Variants in RUFY1 observed in about 807,000 individuals in gnomAD.
The protein encoded by RUFY1 is RUN and FYVE domain-containing protein 1.
Under a neutral mutation model 94.6 loss-of-function variants are expected in RUFY1, and 54 were observed. That is an observed-to-expected ratio of 0.57 (90% CI 0.46 to 0.72). RUFY1 has a LOEUF of 0.72. RUFY1 is among the 30% of genes least tolerant of loss of function. The pLI, the probability that RUFY1 is intolerant of heterozygous loss-of-function variation, is 0.00. For missense variants in RUFY1, 883 were observed against 883.9 expected, an observed-to-expected ratio of 1.00 and a Z score of 0.01; for synonymous variants, 396 against 347.3, an observed-to-expected ratio of 1.14 and a Z score of -1.56.
At chr5:179,599,496 G>A (rs1054213750) in intron 14 of RUFY1, 2 of 152,458 alleles carry the variant, frequency 1.3e-5, no homozygotes, top group African/African-American at 2.4e-5. Context: ...TCAGTTCCAT[G>A]GAGGACCCTC....
chr5:179,591,570 AT>A, intron 9 of RUFY1, 54 bp from the exon 10 acceptor site: 1 of 1,056,750 alleles, frequency 9.5e-7, no homozygotes, highest in Non-Finnish European at 1.4e-6. Flanking sequence ...ATACTTCATA[AT>A]TAGCTTGCTT....
chr5:179,586,616 C>A (rs1764623571), intron 8 of RUFY1: 2 of 344,966 alleles, frequency 5.8e-6, no homozygotes, highest in South Asian at 2.1e-5. Flanking sequence ...AATGAGGGAC[C>A]CCGTGTAAGC....
intron 1 of RUFY1, among the ~76,000 whole-genome samples, chr5:179,552,224 T>C (rs1327048799): frequency 2.0e-5 from 3 of 146,608 alleles, no homozygotes; most frequent in Non-Finnish European, 4.5e-5. Context: ...TTTTAAATGC[T>C]CAGTAGCCTG....
At chr5:179,569,048 G>T (rs1157445466) in intron 4 of RUFY1, 1 of 985,182 alleles carries the variant, frequency 1.0e-6, no homozygotes, top group Non-Finnish European at 1.2e-6. Flanking sequence ...GGAGAACTGG[G>T]GTCCAGGGTC....
intron 2 of RUFY1, 94 bp downstream of exon 2, chr5:179,560,292 A>C: frequency 6.9e-7 from 1 of 1,450,644 alleles, no homozygotes. Flanking sequence ...CTAGATGCTG[A>C]AATGCCAGCA....
At chr5:179,604,994 A>C (rs1292364734) in intron 15 of RUFY1, among the ~76,000 whole-genome samples, 1 of 150,078 alleles carries the variant, frequency 6.7e-6, no homozygotes, top group African/African-American at 2.5e-5. Context: ...AAAAAAAAAA[A>C]AGAAAAAAAG....
At position 179,580,709 on chromosome 5, in the gene RUFY1, A is replaced by C. The variant is rs537995290; in HGVS notation, c.891-238A>C. 3.3e-3 allele frequency among the ~76,000 whole-genome samples: 503 copies of C among 151,858 alleles called. 6 individuals are homozygous for C. Among genetic ancestry groups the C allele is most frequent in the African/African-American group, 0.012 (477 of 41,412 alleles). ...TTTCACCTTGCTTGCTCATCCTGAA[A>C]CCTTGGTCTGCAGGGAGCCCACTCT... On this transcript the variant is annotated intron_variant, in intron 6 of 17. Coordinates refer to ENST00000319449, the MANE Select transcript of RUFY1 (RefSeq NM_025158.5).
intron 16 of RUFY1, chr5:179,606,262 G>A: frequency 3.0e-6 from 1 of 330,082 alleles, no homozygotes; most frequent in Non-Finnish European, 5.6e-6. Flanking sequence ...AGGCCCTTCT[G>A]TTGAAGTGAG....
At chr5:179,580,390 C>T (rs1281129679) in intron 6 of RUFY1, among the ~76,000 whole-genome samples, 5 of 151,538 alleles carry the variant, frequency 3.3e-5, no homozygotes, top group Non-Finnish European at 7.4e-5. Context: ...CTACAGGCGC[C>T]CGCCACCACG....
chr5:179,609,906 A>G lies in RUFY1; in HGVS notation c.*387A>G, dbSNP rs766277439. 10 of 167,550 alleles carry G rather than the reference A, an allele frequency of 6.0e-5. No individual in the cohort carries two copies. The highest frequency in any genetic ancestry group is 1.3e-4 in the Admixed American group (2 of 15,774). The allele number at this position is 167,550 out of a possible 1,614,324, so 10.4% of individuals were successfully genotyped here. On this transcript the variant is annotated 3_prime_UTR_variant, in exon 18 of 18. Transcript: ENST00000319449. Reference sequence around the variant, plus strand: ...CTGATTCATGCACAGCGTTTGACACACATGGAGTCTGCCAGTGTGCCTTCT... The same window carrying G: ...CTGATTCATGCACAGCGTTTGACACGCATGGAGTCTGCCAGTGTGCCTTCT...
At chr5:179,588,398 T>C (rs1562050177) in intron 8 of RUFY1, among the ~76,000 whole-genome samples, 1 of 152,158 alleles carries the variant, frequency 6.6e-6, no homozygotes, top group Non-Finnish European at 1.5e-5. Flanking sequence ...TGAGGAGGGA[T>C]GGGTTGGTGT....
In RUFY1 at chr5:179,602,347, G is replaced by A. The variant is rs567119474; in HGVS notation, c.1856+361G>A. On this transcript the variant is annotated intron_variant, in intron 15 of 17. Coordinates refer to ENST00000319449, the MANE Select transcript of RUFY1 (RefSeq NM_025158.5). ...GAGGGAGCAGGGCTGGTTTGGGAAC[G>A]GAAGCCTGGCACAGTAGAGGTGCAC... The A allele has an allele frequency of 1.3e-4, 28 of 216,674 alleles. No individual in the cohort carries two copies. In the South Asian group the frequency reaches 2.4e-3, roughly 19 times the overall value. 13.4% of individuals were successfully genotyped at this position (216,674 alleles called of 1,614,324 possible).
At chr5:179,561,777 G>C (rs1762480226) in intron 2 of RUFY1, among the ~76,000 whole-genome samples, 1 of 135,484 alleles carries the variant, frequency 7.4e-6, no homozygotes, top group Non-Finnish European at 1.5e-5. Context: ...CCTCCTCCCA[G>C]GTTCACGCCA....
At chr5:179,591,359 T>C (rs1230625892) in intron 9 of RUFY1, among the ~76,000 whole-genome samples, 1 of 151,692 alleles carries the variant, frequency 6.6e-6, no homozygotes, top group Admixed American at 6.6e-5. Flanking sequence ...TAATTGTTTG[T>C]GTTTTTAGTA....
chr5:179,564,818 C>T (rs1458866912), intron 3 of RUFY1, among the ~76,000 whole-genome samples: 1 of 151,990 alleles, frequency 6.6e-6, no homozygotes, highest in Non-Finnish European at 1.5e-5. Context: ...AGATTAGAAC[C>T]ACCCTAGTTT....
Position 179,586,910 on chromosome 5 carries a change from G to T in RUFY1, c.1026+1045G>T, listed in dbSNP as rs73809480. Among the ~76,000 whole-genome samples the T allele has an allele frequency of 9.1e-3, 1,389 of 152,304 alleles. 24 individuals carry two copies. The highest frequency in any genetic ancestry group is 0.03 in the African/African-American group (1,239 of 41,554). Reference sequence around the variant, plus strand: ...GTTGCAAAGATTAAGACGAATATCTGGTAAATGTGCTCAGGACAACACTTG... The same window carrying T: ...GTTGCAAAGATTAAGACGAATATCTTGTAAATGTGCTCAGGACAACACTTG... On this transcript the variant is annotated intron_variant, in intron 8 of 17. Transcript: ENST00000319449.
chr5:179,594,760 CAAAAAAAAAAAAA>C lies in RUFY1; in HGVS notation c.1414-95_1414-83del, dbSNP rs57540208. 1.9e-4 allele frequency: 62 copies of C among 333,824 alleles called. 2 individuals are homozygous for C. Among genetic ancestry groups the C allele is most frequent in the South Asian group, 1.4e-3 (57 of 39,626 alleles). 20.7% of individuals were successfully genotyped at this position (333,824 alleles called of 1,614,324 possible). A position where few individuals can be genotyped will look rare whatever the true frequency, so the allele number is the denominator to read the frequency against. On this transcript the variant is annotated intron_variant, in intron 11 of 17. Coordinates refer to ENST00000319449, the MANE Select transcript of RUFY1 (RefSeq NM_025158.5). ...TGGGTGACAGAGCAAGACTCTGTCT[CAAAAAAAAAAAAA>C]AAAAAAAAAAGCAAATAAGCCCTGT...
At chr5:179,555,646 T>TTTTTA (rs1762077912) in intron 1 of RUFY1, 2 of 203,080 alleles carry the variant, frequency 9.8e-6, no homozygotes, top group African/African-American at 7.4e-5. Flanking sequence ...TTTTTTTTTT[T>TTTTTA]GAGCCGGCGT....
chr5:179,555,093 A>C (rs755549683), intron 1 of RUFY1, among the ~76,000 whole-genome samples: 16 of 152,342 alleles, frequency 1.1e-4, no homozygotes, highest in Non-Finnish European at 2.2e-4. Flanking sequence ...TTTTCACGCA[A>C]GCAATAGGAT....
Sources: gnomAD v4.1 joint callset for allele counts (sites outside exome capture counted in the v4.1 genomes callset) on GRCh38, gnomAD v4.1.1 for gene constraint, MANE v1.5 for transcripts, NCBI Gene and HGNC (gene_info 2026-07-23, HGNC 2026-07-21) for gene names.